SNCAIP: variants seen among roughly 807,000 people sequenced by gnomAD.
The protein encoded by SNCAIP is synuclein alpha interacting protein.
Under a neutral mutation model 86.7 loss-of-function variants are expected in SNCAIP, and 43 were observed. That is an observed-to-expected ratio of 0.50 (90% CI 0.39 to 0.64). The LOEUF (loss-of-function observed/expected upper bound fraction) is 0.64, where lower values mean the gene tolerates loss of function less well. SNCAIP is among the 30% of genes least tolerant of loss of function. The probability of loss-of-function intolerance (pLI) is 0.00; values close to 1 mark genes in which losing one functional copy is unlikely to be tolerated. For synonymous variants in SNCAIP, 417 were observed against 427.2 expected (o/e 0.98, Z 0.29); for missense variants, 981 against 1,103.1 (o/e 0.89, Z 1.57).
At chr5:122,348,320 A>G (rs1401538487) in intron 1 of SNCAIP, among the ~76,000 whole-genome samples, 5 of 152,162 alleles carry the variant, frequency 3.3e-5, no homozygotes, top group Non-Finnish European at 7.4e-5. Context: ...GTGTGGAATT[A>G]TGGTATAGGC....
intron 1 of SNCAIP, among the ~76,000 whole-genome samples, chr5:122,377,430 A>G (rs958988060): frequency 6.6e-6 from 1 of 152,160 alleles, no homozygotes; most frequent in Non-Finnish European, 1.5e-5. Flanking sequence ...TCTTCCAAAA[A>G]GAATTTTAAA....
chr5:122,362,756 C>T (rs999281232), intron 1 of SNCAIP, among the ~76,000 whole-genome samples: 34 of 152,204 alleles, frequency 2.2e-4, no homozygotes, highest in East Asian at 9.7e-4. Context: ...CTGAACTGAG[C>T]GTGAACTACA....
chr5:122,412,817 G>A (rs1452693084), intron 3 of SNCAIP, among the ~76,000 whole-genome samples: 2 of 152,202 alleles, frequency 1.3e-5, no homozygotes, highest in African/African-American at 4.8e-5. Flanking sequence ...TCAGTGAACT[G>A]CACTCTGCTG....
chr5:122,438,854 A>G (rs1780137531), intron 6 of SNCAIP, among the ~76,000 whole-genome samples: 1 of 152,176 alleles, frequency 6.6e-6, no homozygotes, highest in Non-Finnish European at 1.5e-5. Flanking sequence ...CCAAATCACC[A>G]CAAGTTTGAG....
chr5:122,396,127 G>A (rs1317090511), intron 2 of SNCAIP, among the ~76,000 whole-genome samples: 1 of 152,130 alleles, frequency 6.6e-6, no homozygotes, highest in African/African-American at 2.4e-5. Context: ...CTGCATTCAA[G>A]GCTAAATTGC....
intron 4 of SNCAIP, among the ~76,000 whole-genome samples, chr5:122,425,056 C>T (rs557948153): frequency 1.4e-4 from 21 of 152,338 alleles, no homozygotes; most frequent in Admixed American, 1.2e-3. Flanking sequence ...GACAGGGAAC[C>T]TGACAATTAC....
intron 1 of SNCAIP, among the ~76,000 whole-genome samples, chr5:122,317,535 C>A (rs1752013541): frequency 6.6e-6 from 1 of 152,100 alleles, no homozygotes; most frequent in South Asian, 2.1e-4. Context: ...TGATTATGAG[C>A]CCAGTCCTGG....
At position 122,350,809 on chromosome 5, in the gene SNCAIP, G is replaced by A. The variant is rs1187796646; in HGVS notation, c.-47+38525G>A. On this transcript the variant is annotated intron_variant, in intron 1 of 10. Coordinates refer to ENST00000261368, the MANE Select transcript of SNCAIP (RefSeq NM_005460.4). ...AATGGGAAGATGGAATGAAAGAAAG[G>A]TACAGAGAGATCAGAGTGTTCATGA... is the stretch of plus-strand genomic sequence containing the variant. Among the ~76,000 whole-genome samples, 3 of 152,260 alleles carry A rather than the reference G, an allele frequency of 2.0e-5. No individual in the cohort carries two copies. The East Asian group carries it at 5.8e-4, about 29-fold the overall frequency.
intron 1 of SNCAIP, among the ~76,000 whole-genome samples, chr5:122,382,153 A>G (rs890452724): frequency 6.6e-5 from 10 of 151,908 alleles, no homozygotes; most frequent in South Asian, 2.1e-4. Flanking sequence ...ACTTGTTTCC[A>G]TTCTCCCCAT....
intron 1 of SNCAIP, among the ~76,000 whole-genome samples, chr5:122,361,442 G>C (rs1010264158): frequency 6.6e-6 from 1 of 152,096 alleles, no homozygotes; most frequent in African/African-American, 2.4e-5. Context: ...TTGTGTTTGT[G>C]TTGCATCAAA....
chr5:122,406,438 A>C (rs995299351), intron 3 of SNCAIP, among the ~76,000 whole-genome samples: 1 of 152,192 alleles, frequency 6.6e-6, no homozygotes, highest in Non-Finnish European at 1.5e-5. Flanking sequence ...ACCGTCTGTC[A>C]CTTACAGTAT....
chr5:122,399,637 A>G (rs974391354), intron 2 of SNCAIP, among the ~76,000 whole-genome samples: 3 of 152,168 alleles, frequency 2.0e-5, no homozygotes, highest in African/African-American at 7.2e-5. Context: ...TCTTATGTCT[A>G]GAGGAATTTA....
chr5:122,423,900 A>T (rs772331041), intron 4 of SNCAIP, among the ~76,000 whole-genome samples, 161 bp downstream of exon 4: 5 of 152,228 alleles, frequency 3.3e-5, no homozygotes, highest in Non-Finnish European at 7.3e-5. Context: ...GTTTTAAAAT[A>T]AGAAGTTATG....
At chr5:122,432,191 C>T (rs537056144) in intron 6 of SNCAIP, 109 bp downstream of exon 6, 9 of 706,178 alleles carry the variant, frequency 1.3e-5, no homozygotes, top group Non-Finnish European at 2.1e-5. Flanking sequence ...AAAAATGTAT[C>T]CAAAGGTATA....
chr5:122,311,854 G>C (rs1580682896), upstream of SNCAIP: 1 of 152,738 alleles, frequency 6.5e-6, no homozygotes, highest in East Asian at 1.9e-4. Flanking sequence ...GAAGCGGCGA[G>C]GGAGGGGCGT....
intron 1 of SNCAIP, among the ~76,000 whole-genome samples, chr5:122,318,561 AT>A (rs1752289549): frequency 6.6e-6 from 1 of 152,074 alleles, no homozygotes; most frequent in Non-Finnish European, 1.5e-5. Flanking sequence ...TTCATCTTTC[AT>A]TTTTTCAGGT....
intron 2 of SNCAIP, among the ~76,000 whole-genome samples, chr5:122,395,042 A>C (rs1291970670): frequency 2.0e-5 from 3 of 152,176 alleles, no homozygotes; most frequent in Non-Finnish European, 4.4e-5. Context: ...GTTTCTCTAG[A>C]CCAGTCACCT....
chr5:122,438,947 C>T (rs1456586273), intron 6 of SNCAIP, among the ~76,000 whole-genome samples: 2 of 152,212 alleles, frequency 1.3e-5, no homozygotes, highest in Non-Finnish European at 2.9e-5. Flanking sequence ...TATCCTCTTG[C>T]AGCCTCCATG....
chr5:122,328,889 C>T (rs1754682515), intron 1 of SNCAIP, among the ~76,000 whole-genome samples: 2 of 152,150 alleles, frequency 1.3e-5, no homozygotes, highest in South Asian at 2.1e-4. Context: ...CCTAAAATTT[C>T]CAAAGTTTGT....
Sources: gnomAD v4.1 joint callset for allele counts (sites outside exome capture counted in the v4.1 genomes callset) on GRCh38, gnomAD v4.1.1 for gene constraint, MANE v1.5 for transcripts, NCBI Gene and HGNC (gene_info 2026-07-23, HGNC 2026-07-21) for gene names.